Variants in MYO1B observed in about 807,000 individuals in gnomAD.
MYO1B encodes myosin IB, also known as unconventional myosin-Ib.
A neutral mutation model predicts 159.7 loss-of-function variants in MYO1B; 72 were observed. The ratio of observed to expected loss-of-function variants is 0.45; its 90% CI spans 0.37 to 0.55. MYO1B has a LOEUF of 0.55. MYO1B is among the 20% of genes least tolerant of loss of function. The probability of loss-of-function intolerance (pLI) is 0.00; values close to 1 mark genes in which losing one functional copy is unlikely to be tolerated. For synonymous variants in MYO1B, 468 were observed against 473.8 expected, an observed-to-expected ratio of 0.99 and a Z score of 0.16; for missense variants, 1,062 against 1,364.8, an observed-to-expected ratio of 0.78 and a Z score of 3.50.
intron 3 of MYO1B, among the ~76,000 whole-genome samples, chr2:191,297,435 C>A (rs1219769866): frequency 6.6e-6 from 1 of 152,140 alleles, no homozygotes; most frequent in East Asian, 1.9e-4. Context: ...CTGGGAATAA[C>A]GTATGCAAAA....
intron 1 of MYO1B, among the ~76,000 whole-genome samples, chr2:191,271,198 C>CTT (rs1483942931): frequency 6.6e-6 from 1 of 152,196 alleles, no homozygotes; most frequent in Non-Finnish European, 1.5e-5. Context: ...ATAAAACACA[C>CTT]TTGTTACTAT....
At chr2:191,324,124 A>G (rs771487919) in intron 3 of MYO1B, among the ~76,000 whole-genome samples, 4 of 152,112 alleles carry the variant, frequency 2.6e-5, no homozygotes, top group African/African-American at 9.6e-5. Context: ...CTTTCAACCT[A>G]TCTATGATTT....
At chr2:191,407,861 A>G (rs1436533300) in intron 24 of MYO1B, 2 of 287,190 alleles carry the variant, frequency 7.0e-6, no homozygotes, top group Admixed American at 1.0e-4. Context: ...TTGTCAAATC[A>G]TCAGATTCTT....
chr2:191,280,882 T>A (rs1205935062), intron 2 of MYO1B, among the ~76,000 whole-genome samples: 6 of 152,192 alleles, frequency 3.9e-5, no homozygotes, highest in Non-Finnish European at 8.8e-5. Flanking sequence ...ATGGGAAGAA[T>A]TGGTCACTTG....
intron 22 of MYO1B, 99 bp from the exon 23 acceptor site, chr2:191,400,650 G>A (rs1696553261): frequency 1.4e-6 from 2 of 1,408,380 alleles, no homozygotes; most frequent in Admixed American, 2.0e-5. Context: ...TTACCATTTG[G>A]TGGTGACTAG....
intron 1 of MYO1B, chr2:191,246,001 C>T (rs965800789): frequency 6.6e-6 from 1 of 152,366 alleles, no homozygotes; most frequent in African/African-American, 2.4e-5. Flanking sequence ...TTTCCTGGCC[C>T]CCTGGAAAGA....
At chr2:191,338,464 C>T (rs1484141923) in intron 4 of MYO1B, among the ~76,000 whole-genome samples, 1 of 152,084 alleles carries the variant, frequency 6.6e-6, no homozygotes, top group Non-Finnish European at 1.5e-5. Flanking sequence ...TATACTTTAA[C>T]AGCCAAGTGA....
rs191512830 is a variant in MYO1B, at chr2:191,360,878, A to G, written c.661+149A>G. The G allele has an allele frequency of 1.8e-3, 1,022 of 580,412 alleles. 15 individuals carry two copies. In the East Asian group the frequency reaches 0.023, roughly 13 times the overall value. The allele number at this position is 580,412 out of a possible 1,614,324, so 36.0% of individuals were successfully genotyped here. A position where few individuals can be genotyped will look rare whatever the true frequency, so the allele number is the denominator to read the frequency against. On this transcript the variant is annotated intron_variant, in intron 8 of 30. Coordinates refer to ENST00000392318, the MANE Select transcript of MYO1B (RefSeq NM_001130158.3). ...TGCCTTGGCTTCCCAGAGTGCTAGGATTACAGGCATGAGCACTGTGCCTGA... is the reference window on the plus strand; with the variant it reads ...TGCCTTGGCTTCCCAGAGTGCTAGGGTTACAGGCATGAGCACTGTGCCTGA...
intron 1 of MYO1B, among the ~76,000 whole-genome samples, chr2:191,276,338 A>G (rs1023322672): frequency 1.3e-5 from 2 of 152,238 alleles, no homozygotes; most frequent in African/African-American, 4.8e-5. Context: ...AGCAAGTTTC[A>G]TAATCTCTGA....
rs762175060 is a variant in MYO1B, at chr2:191,313,192, C to CTTTTTTTTTTT, written c.252-16718_252-16708dup. 4.6e-3 allele frequency among the ~76,000 whole-genome samples: 198 copies of CTTTTTTTTTTT among 43,006 alleles called. 44 individuals carry two copies. Among genetic ancestry groups the CTTTTTTTTTTT allele is most frequent in the Middle Eastern group, 0.031 (1 of 32 alleles). 28.2% of individuals were successfully genotyped at this position (43,006 alleles called of 152,430 possible). A position where few individuals can be genotyped will look rare whatever the true frequency, so the allele number is the denominator to read the frequency against. ...TAGTTATAATATCTGGCACACATGG[C>CTTTTTTTTTTT]TTTTTTTTTTTTTTTTTTTTTTTTT... On this transcript the variant is annotated intron_variant, in intron 3 of 30. Transcript: ENST00000392318.
chr2:191,364,858 T>G (rs1278568503), intron 11 of MYO1B, among the ~76,000 whole-genome samples: 1 of 152,168 alleles, frequency 6.6e-6, no homozygotes, highest in Non-Finnish European at 1.5e-5. Context: ...TGCTAGCTGG[T>G]TTAAGAGGAA....
At chr2:191,409,530 A>G (rs900406253) in intron 26 of MYO1B, among the ~76,000 whole-genome samples, 3 of 152,202 alleles carry the variant, frequency 2.0e-5, no homozygotes, top group Admixed American at 6.5e-5. Context: ...TAAAATTTGG[A>G]CACCTTCAGG....
At chr2:191,378,848 G>C (rs745570441) in intron 13 of MYO1B, among the ~76,000 whole-genome samples, 11 of 152,074 alleles carry the variant, frequency 7.2e-5, no homozygotes, top group Non-Finnish European at 1.5e-4. Context: ...TGGGATAAGG[G>C]GTGATATTGT....
chr2:191,368,830 C>T (rs935074855), intron 11 of MYO1B, among the ~76,000 whole-genome samples: 1 of 151,984 alleles, frequency 6.6e-6, no homozygotes, highest in African/African-American at 2.4e-5. Context: ...AAAAATTAGC[C>T]ACGCGTGGTG....
chr2:191,385,457 A>G (rs1009592778), intron 15 of MYO1B, among the ~76,000 whole-genome samples: 1 of 152,244 alleles, frequency 6.6e-6, no homozygotes, highest in African/African-American at 2.4e-5. Flanking sequence ...GAATCAAATA[A>G]TGGCCTTAGA....
intron 27 of MYO1B, among the ~76,000 whole-genome samples, chr2:191,412,383 C>T (rs1697301509): frequency 6.6e-6 from 1 of 152,186 alleles, no homozygotes; most frequent in Non-Finnish European, 1.5e-5. Flanking sequence ...ATTTAAAAGC[C>T]TGTTAGCATT....
chr2:191,280,223 C>T (rs1687975946), intron 2 of MYO1B, among the ~76,000 whole-genome samples: 1 of 152,198 alleles, frequency 6.6e-6, no homozygotes, highest in African/African-American at 2.4e-5. Context: ...CGTACTAAAC[C>T]TGAAGCTCTG....
chr2:191,385,108 C>A (rs1316282630), intron 15 of MYO1B, among the ~76,000 whole-genome samples: 1 of 152,150 alleles, frequency 6.6e-6, no homozygotes, highest in Non-Finnish European at 1.5e-5. Flanking sequence ...CTTATGACCC[C>A]ATAGGGGCAG....
At chr2:191,320,145 T>G (rs1043808546) in intron 3 of MYO1B, among the ~76,000 whole-genome samples, 2 of 152,154 alleles carry the variant, frequency 1.3e-5, no homozygotes, top group African/African-American at 2.4e-5. Context: ...TCTCATGCTT[T>G]GGGGAAAGGT....
Sources: allele counts gnomAD v4.1 joint callset (sites outside exome capture counted in the v4.1 genomes callset), GRCh38; gene constraint gnomAD v4.1.1; transcripts MANE v1.5; gene names NCBI Gene and HGNC (gene_info 2026-07-23, HGNC 2026-07-21).